Variants in PTPRN2 observed in about 807,000 individuals in gnomAD.
PTPRN2 encodes the protein protein tyrosine phosphatase receptor type N2, also known as receptor-type tyrosine-protein phosphatase N2.
PTPRN2 carries 74 observed loss-of-function variants against 118.8 expected under a neutral mutation model. The observed-to-expected ratio is 0.62, with a 90% CI of 0.52 to 0.76. The LOEUF (loss-of-function observed/expected upper bound fraction) is 0.76. Ranked by LOEUF, PTPRN2 falls within the 30% of genes least tolerant of loss-of-function variation. The probability of loss-of-function intolerance (pLI) is 0.00; values close to 1 mark genes in which losing one functional copy is unlikely to be tolerated. For missense variants in PTPRN2, 1,481 were observed against 1,394.4 expected (o/e 1.06, Z -0.99); for synonymous variants, 641 against 608.0 (o/e 1.05, Z -0.80).
chr7:157,581,494 G>A (rs1490508192), intron 17 of PTPRN2, among the ~76,000 whole-genome samples: 1 of 152,184 alleles, frequency 6.6e-6, no homozygotes, highest in African/African-American at 2.4e-5. Flanking sequence ...AGGGGTTAAA[G>A]CCTGCTGCCA....
chr7:158,271,844 C>T (rs1221420820), intron 3 of PTPRN2, among the ~76,000 whole-genome samples: 5 of 152,178 alleles, frequency 3.3e-5, no homozygotes, highest in Admixed American at 2.0e-4. Context: ...TGAGGCTCTT[C>T]CTCAGGGCCT....
At chr7:157,937,299 TACCCA>T (rs1799770497) in intron 11 of PTPRN2, among the ~76,000 whole-genome samples, 1 of 152,238 alleles carries the variant, frequency 6.6e-6, no homozygotes, top group Admixed American at 6.5e-5. Context: ...TTTGCTTATT[TACCCA>T]AAGTAAGCTG....
At chr7:157,589,514 G>A (rs1022497591) in intron 17 of PTPRN2, among the ~76,000 whole-genome samples, 5 of 152,142 alleles carry the variant, frequency 3.3e-5, no homozygotes, top group Admixed American at 3.3e-4. Context: ...ATCCAGGAGT[G>A]GACCATGGAG....
intron 2 of PTPRN2, among the ~76,000 whole-genome samples, chr7:158,376,674 T>C (rs1250472934): frequency 1.7e-5 from 2 of 114,592 alleles, no homozygotes; most frequent in Non-Finnish European, 3.5e-5. Flanking sequence ...GTCAGGGGAC[T>C]CCCCCACAGC....
At chr7:158,052,213 G>A (rs1337740458) in intron 11 of PTPRN2, among the ~76,000 whole-genome samples, 2 of 152,214 alleles carry the variant, frequency 1.3e-5, no homozygotes, top group African/African-American at 4.8e-5. Flanking sequence ...TTTGTGAAAC[G>A]TGCTAATGTT....
intron 12 of PTPRN2, among the ~76,000 whole-genome samples, chr7:157,687,065 C>A (rs1479569382): frequency 1.3e-5 from 2 of 152,136 alleles, no homozygotes; most frequent in Non-Finnish European, 2.9e-5. Flanking sequence ...TGTATGACCA[C>A]AGAGACAATT....
At chr7:158,322,392 C>A (rs34267680) in intron 2 of PTPRN2, among the ~76,000 whole-genome samples, 16 of 151,778 alleles carry the variant, frequency 1.1e-4, no homozygotes, top group Non-Finnish European at 2.1e-4. Context: ...CCTCACCCAG[C>A]GGTCAGAGAA....
rs1796247 is a variant in PTPRN2, at chr7:157,640,581, T to C, written c.2196+15776A>G. Among the ~76,000 whole-genome samples, 76 of 152,104 alleles carry C rather than the reference T, an allele frequency of 5.0e-4. No homozygotes were observed. The East Asian group carries it at 0.014, about 27-fold the overall frequency. On this transcript the variant is annotated intron_variant, in intron 14 of 22. Transcript: ENST00000389418. ...GAGCAAAAATTAAAAATAAAATAAG[T>C]CCTTACCAAGACAGGACACAAGGAA...
chr7:157,844,890 G>C (rs989675704), intron 12 of PTPRN2, among the ~76,000 whole-genome samples: 1 of 152,228 alleles, frequency 6.6e-6, no homozygotes, highest in Non-Finnish European at 1.5e-5. Context: ...TCCGTGCACT[G>C]TGACGGCCTT....
chr7:158,343,425 G>C (rs1194111765), intron 2 of PTPRN2, among the ~76,000 whole-genome samples: 4 of 152,202 alleles, frequency 2.6e-5, no homozygotes, highest in Non-Finnish European at 5.9e-5. Flanking sequence ...GTGTGGGTGA[G>C]AACATGGAGA....
chr7:157,974,717 G>A lies in PTPRN2; in HGVS notation c.1724-75980C>T, dbSNP rs559036007. Among the ~76,000 whole-genome samples the A allele has an allele frequency of 2.9e-4, 44 of 152,152 alleles. No homozygotes were observed. The South Asian group carries it at 6.9e-3, about 24-fold the overall frequency. ...GGCTCCATGGGAAGACACAGGTAGCGGGTCAGGTGCTGGGGAGGTGTTGCT... is the reference window on the plus strand; with the variant it reads ...GGCTCCATGGGAAGACACAGGTAGCAGGTCAGGTGCTGGGGAGGTGTTGCT... On this transcript the variant is annotated intron_variant, in intron 11 of 22. Transcript: ENST00000389418. This position sits in a 1 kb window ranked among gnomAD's most constrained non-coding sequence, Gnocchi z 4.0.
intron 11 of PTPRN2, among the ~76,000 whole-genome samples, chr7:158,068,856 A>G (rs1048127829): frequency 1.3e-5 from 2 of 152,242 alleles, no homozygotes; most frequent in Non-Finnish European, 2.9e-5. Context: ...TACAACTGTA[A>G]TAAGACAAGG....
chr7:158,146,390 C>A (rs975402129), intron 6 of PTPRN2, among the ~76,000 whole-genome samples: 1 of 152,144 alleles, frequency 6.6e-6, no homozygotes, highest in Non-Finnish European at 1.5e-5. Context: ...CTGTATTGGG[C>A]ATCTATTGTG....
chr7:158,399,118 T>C (rs926857346), intron 2 of PTPRN2, among the ~76,000 whole-genome samples: 1 of 152,234 alleles, frequency 6.6e-6, no homozygotes, highest in African/African-American at 2.4e-5. Flanking sequence ...TCTCTCTTCA[T>C]TTCATGCTGT....
rs1811874944 is a variant in PTPRN2 at position 158,071,844 on chromosome 7, TCG to T, written c.1723+9452_1723+9453del. ...ATGGAGGTGCCCGTGGTGGAGGTGC[TCG>T]TGGTGGTGGAGGTGCTCGTCATATG... On this transcript the variant is annotated intron_variant, in intron 11 of 22. Transcript: ENST00000389418. 5.0e-5 allele frequency among the ~76,000 whole-genome samples: 2 copies of T among 39,930 alleles called. 1 individual carries two copies. Among genetic ancestry groups the T allele is most frequent in the Non-Finnish European group, 8.9e-5 (2 of 22,574 alleles). 26.2% of individuals were successfully genotyped at this position (39,930 alleles called of 152,430 possible).
In PTPRN2 at chr7:157,656,398, C is replaced by G. The variant is rs1806090714; in HGVS notation, c.2155G>C (p.Val719Leu). The G allele has an allele frequency of 6.4e-7, 1 of 1,552,702 alleles. No homozygotes were observed. The highest frequency in any genetic ancestry group is 1.4e-5 in the African/African-American group (1 of 73,152). ...SSASSWSEEP[V>L]QSNMDISTGH... ...GTGGAGATGTCCATGTTGGACTGCA[C>G]AGGCTCCTCGGACCAGGATGAGGCG... is the stretch of plus-strand genomic sequence containing the variant. The change falls in exon 14 of 23, where the codon GTG becomes CTG. Residue 719 changes from valine (V) to leucine (L), a missense_variant. Val to Leu is a conservative substitution (Grantham distance 32). This residue lies in a region of PTPRN2 where 1,115 missense variants were observed against 994.2 expected (regional missense o/e 1.12). Coordinates refer to ENST00000389418, the MANE Select transcript of PTPRN2 (RefSeq NM_002847.5).
chr7:157,784,218 T>C lies in PTPRN2; in HGVS notation c.1789-101281A>G, dbSNP rs1803870295. Among the ~76,000 whole-genome samples, 1 of 152,066 alleles carries C rather than the reference T, an allele frequency of 6.6e-6. No individual in the cohort carries two copies. The highest frequency in any genetic ancestry group is 2.4e-5 in the African/African-American group (1 of 41,402). On this transcript the variant is annotated intron_variant, in intron 12 of 22. Transcript: ENST00000389418. The surrounding 1 kb of genome is among the most constrained non-coding windows in gnomAD (Gnocchi z 4.6). The stretch of plus-strand genomic sequence containing the variant: ...CACGTGGCTTCTGGCCCAGAGCAGC[T>C]CGTGAGTCAGCCTGGCCTAGTTGGA...
At chr7:158,010,969 A>G (rs1563325766) in intron 11 of PTPRN2, among the ~76,000 whole-genome samples, 3 of 152,204 alleles carry the variant, frequency 2.0e-5, no homozygotes, top group South Asian at 2.1e-4. Context: ...TAGAATAACA[A>G]TCGCCTCCAC....
intron 13 of PTPRN2, among the ~76,000 whole-genome samples, chr7:157,665,431 G>T (rs771309865): frequency 6.6e-6 from 1 of 152,194 alleles, no homozygotes; most frequent in Non-Finnish European, 1.5e-5. Context: ...TGTAGATTTA[G>T]CTGCGATGTC....
Sources: gnomAD v4.1 joint callset for allele counts (sites outside exome capture counted in the v4.1 genomes callset) on GRCh38, gnomAD v4.1.1 for gene constraint, gnomAD v4.1.1 regional missense constraint, Gnocchi (gnomAD v3.1) non-coding constraint, MANE v1.5 for transcripts, NCBI Gene and HGNC (gene_info 2026-07-23, HGNC 2026-07-21) for gene names.